BNC2: variants seen among roughly 807,000 people sequenced by gnomAD.
BNC2 encodes basonuclin zinc finger protein 2, also known as zinc finger protein basonuclin-2.
A neutral mutation model predicts 76.3 loss-of-function variants in BNC2; 20 were observed. The ratio of observed to expected loss-of-function variants is 0.26; its 90% CI spans 0.18 to 0.38. The LOEUF is 0.38. Among genes scored for constraint, BNC2 ranks in the 10% least tolerant of loss-of-function variants. The pLI is 1.00. For missense variants in BNC2, 1,382 were observed against 1,399.8 expected, an observed-to-expected ratio of 0.99 and a Z score of 0.20; for synonymous variants, 582 against 514.8, an observed-to-expected ratio of 1.13 and a Z score of -1.77.
At chr9:16,488,028 G>A (rs1391767240) in intron 5 of BNC2, among the ~76,000 whole-genome samples, 1 of 150,898 alleles carries the variant, frequency 6.6e-6, no homozygotes, top group Non-Finnish European at 1.5e-5. Flanking sequence ...ACTATTTTTG[G>A]CCGCATCTTT....
At chr9:16,758,690 G>C (rs115871960) in intron 1 of BNC2, among the ~76,000 whole-genome samples, 1,873 of 152,136 alleles carry the variant, frequency 0.012, 31 homozygotes, top group African/African-American at 0.041. Context: ...GTCATGCTTG[G>C]GTGGCCATTA....
chr9:16,727,733 G>T, intron 3 of BNC2, 64 bp downstream of exon 3: 3 of 1,359,448 alleles, frequency 2.2e-6, no homozygotes, highest in Non-Finnish European at 3.1e-6. Context: ...AAACAAAAGT[G>T]CCCATAACAA....
At chr9:16,740,177 G>C (rs1369259191) in intron 1 of BNC2, among the ~76,000 whole-genome samples, 2 of 152,166 alleles carry the variant, frequency 1.3e-5, no homozygotes, top group African/African-American at 4.8e-5. Context: ...AGTTTTAAAT[G>C]ATCTAGAACA....
chr9:16,444,003 C>G (rs1254303425), intron 5 of BNC2, among the ~76,000 whole-genome samples: 2 of 152,094 alleles, frequency 1.3e-5, no homozygotes, highest in African/African-American at 2.4e-5. Flanking sequence ...AATTAAATCA[C>G]GCAAATTGCT....
intron 1 of BNC2, among the ~76,000 whole-genome samples, chr9:16,738,836 C>G (rs1209268316): frequency 6.7e-6 from 1 of 148,868 alleles, no homozygotes. Flanking sequence ...CGCCCCAGCC[C>G]CCCGCCCCGC....
intron 4 of BNC2, among the ~76,000 whole-genome samples, chr9:16,562,019 CA>C (rs1037053016): frequency 6.6e-6 from 1 of 151,376 alleles, no homozygotes; most frequent in African/African-American, 2.4e-5. Flanking sequence ...AATAAACAAA[CA>C]AAAAAAACAA....
At chr9:16,818,126 C>A (rs941260561) in intron 1 of BNC2, among the ~76,000 whole-genome samples, 10 of 152,090 alleles carry the variant, frequency 6.6e-5, no homozygotes, top group African/African-American at 2.4e-4. Context: ...AAATTTAGGC[C>A]GGGCACGGTG....
intron 3 of BNC2, among the ~76,000 whole-genome samples, chr9:16,599,321 T>C (rs1405472071): frequency 6.6e-6 from 1 of 152,138 alleles, no homozygotes; most frequent in Non-Finnish European, 1.5e-5. Flanking sequence ...ACAACTTTCA[T>C]AGGATCAAAA....
chr9:16,829,946 T>G (rs147771540), intron 1 of BNC2, among the ~76,000 whole-genome samples: 11 of 152,318 alleles, frequency 7.2e-5, no homozygotes, highest in Non-Finnish European at 1.3e-4. Flanking sequence ...TCCACCACAT[T>G]TTAATGCCTA....
chr9:16,660,921 T>C (rs538297402), intron 3 of BNC2, among the ~76,000 whole-genome samples: 2 of 152,314 alleles, frequency 1.3e-5, no homozygotes, highest in South Asian at 4.1e-4. Context: ...AGTAATGCCA[T>C]TTATAAGGAA....
intron 1 of BNC2, among the ~76,000 whole-genome samples, chr9:16,843,488 C>G (rs1818885144): frequency 6.6e-6 from 1 of 152,314 alleles, no homozygotes; most frequent in Admixed American, 6.5e-5. Context: ...TGCACACTAC[C>G]ACACCCAGCT....
intron 3 of BNC2, among the ~76,000 whole-genome samples, chr9:16,688,927 A>G (rs947671745): frequency 1.7e-4 from 26 of 152,236 alleles, no homozygotes; most frequent in Admixed American, 9.2e-4. Context: ...TGAGAGAGCT[A>G]TTTACAACTT....
At chr9:16,473,249 T>C (rs947585605) in intron 5 of BNC2, 1 of 152,214 alleles carries the variant, frequency 6.6e-6, no homozygotes, top group African/African-American at 2.4e-5. Context: ...AGAATTCAGA[T>C]TCTTTAACAA....
At chr9:16,552,244 T>C (rs1322466275) in intron 5 of BNC2, among the ~76,000 whole-genome samples, 1 of 152,156 alleles carries the variant, frequency 6.6e-6, no homozygotes, top group African/African-American at 2.4e-5. Flanking sequence ...ATAAGACTTG[T>C]TGAAGAAGCC....
chr9:16,436,534 G>T lies in BNC2; in HGVS notation c.1660C>A (p.Leu554Ile). 6.2e-7 allele frequency: 1 copy of T among 1,614,162 alleles called. No homozygotes were observed. Among genetic ancestry groups the T allele is most frequent in the Non-Finnish European group, 8.5e-7 (1 of 1,180,044 alleles). ...CCAGAAAATACTAGCTGGCTAGGGA[G>T]AGGATTTTGCAAGACAGGGTCTAGA... ...PPLDPVLQNP[L>I]PSQLVFSGLK... is the part of the protein sequence containing the mutation. Residue 554 changes from leucine (L) to isoleucine (I), a missense_variant, in exon 6 of 7, where the codon CTC (leucine) becomes ATC (isoleucine). Around this residue, in one of 3 missense-constraint regions of BNC2, gnomAD observed 798 missense variants for 775.5 expected, o/e 1.03. Coordinates refer to ENST00000380672, the MANE Select transcript of BNC2 (RefSeq NM_017637.6).
chr9:16,845,449 C>G (rs150581864), intron 1 of BNC2, among the ~76,000 whole-genome samples: 1 of 152,144 alleles, frequency 6.6e-6, no homozygotes, highest in East Asian at 1.9e-4. Flanking sequence ...TGGCCGGGCG[C>G]GGTGGCTCAC....
chr9:16,503,059 T>G (rs950207355), intron 5 of BNC2, among the ~76,000 whole-genome samples: 1 of 152,200 alleles, frequency 6.6e-6, no homozygotes, highest in African/African-American at 2.4e-5. Flanking sequence ...TCTCTTGCCC[T>G]GAGATAAATT....
intron 4 of BNC2, among the ~76,000 whole-genome samples, chr9:16,553,349 T>A (rs1563836552): frequency 1.3e-5 from 2 of 152,200 alleles, no homozygotes; most frequent in Non-Finnish European, 2.9e-5. Context: ...GTAATTTAAG[T>A]CAAGTCATAT....
intron 1 of BNC2, among the ~76,000 whole-genome samples, chr9:16,806,239 G>T (rs1359601240): frequency 6.6e-6 from 1 of 152,186 alleles, no homozygotes; most frequent in African/African-American, 2.4e-5. Flanking sequence ...GTTCTGGGAG[G>T]CAAAAGCAGG....
Sources: gnomAD v4.1 joint callset for allele counts (sites outside exome capture counted in the v4.1 genomes callset) on GRCh38, gnomAD v4.1.1 for gene constraint, gnomAD v4.1.1 regional missense constraint, MANE v1.5 for transcripts, NCBI Gene and HGNC (gene_info 2026-07-23, HGNC 2026-07-21) for gene names.